UNC93B1: variants seen among roughly 807,000 people sequenced by gnomAD.
The protein encoded by UNC93B1 is unc-93B1 regulator of TLR signaling.
A neutral mutation model predicts 56.8 loss-of-function variants in UNC93B1; 33 were observed. The observed-to-expected ratio is 0.58, with a 90% CI of 0.44 to 0.78. The LOEUF (loss-of-function observed/expected upper bound fraction) is 0.78, where lower values mean the gene tolerates loss of function less well. Among genes scored for constraint, UNC93B1 ranks in the 30% least tolerant of loss-of-function variants. UNC93B1 has a pLI of 0.00. For missense variants in UNC93B1, 673 were observed against 819.5 expected, an observed-to-expected ratio of 0.82 and a Z score of 2.18; for synonymous variants, 334 against 358.6, an observed-to-expected ratio of 0.93 and a Z score of 0.77.
At chr11:67,996,077 G>A (rs547768789) in intron 8 of UNC93B1, 193 bp from the exon 9 acceptor site, 3 of 385,336 alleles carry the variant, frequency 7.8e-6, no homozygotes, top group African/African-American at 4.2e-5. Flanking sequence ...CCTAAGAGTC[G>A]GGGGGAAAAG....
At chr11:67,996,436 A>AG (rs971967984) in intron 8 of UNC93B1, among the ~76,000 whole-genome samples, 166 bp downstream of exon 8, 1 of 152,128 alleles carries the variant, frequency 6.6e-6, no homozygotes, top group South Asian at 2.1e-4. Context: ...CCCAAGGTAA[A>AG]GGGGGGACGG....
Position 67,993,713 on chromosome 11 carries a change from A to G in UNC93B1, c.1445T>C (p.Ile482Thr). Reference protein sequence around the residue: ...TIYHWWQAVAIFTVYLGSSLH... With the variant: ...TIYHWWQAVATFTVYLGSSLH... ...GCTCGAGCCCAGGTACACGGTGAAGATGGCCACAGCCTGCCACCAGTGGTA... is the reference window on the plus strand; with the variant it reads ...GCTCGAGCCCAGGTACACGGTGAAGGTGGCCACAGCCTGCCACCAGTGGTA... Residue 482 changes from isoleucine to threonine, a missense_variant, in exon 10 of 11, where the codon ATC (isoleucine) becomes ACC (threonine). Ile to Thr is a moderately conservative substitution (Grantham distance 89). Transcript: ENST00000227471. The G allele has an allele frequency of 2.3e-6, 3 of 1,282,906 alleles. No homozygotes were observed. Among genetic ancestry groups the G allele is most frequent in the Non-Finnish European group, 3.3e-6 (3 of 915,698 alleles). The allele number at this position is 1,282,906 out of a possible 1,614,324, so 79.5% of individuals were successfully genotyped here.
chr11:67,997,526 A>C, intron 7 of UNC93B1, 149 bp downstream of exon 7: 1 of 1,368,934 alleles, frequency 7.3e-7, no homozygotes, highest in Non-Finnish European at 9.8e-7. Context: ...TAGCTCCCCA[A>C]CTCAGATCGC....
chr11:67,997,585 T>C lies in UNC93B1; in HGVS notation c.906+90A>G, dbSNP rs308328. On this transcript the variant is annotated intron_variant, in intron 7 of 10. Coordinates refer to ENST00000227471, the MANE Select transcript of UNC93B1 (RefSeq NM_030930.4). ...CGAGGCCACAACCCGACCCAGGCCA[T>C]GCCATCCGATCCAGACCCTTTCTCG... 0.44 allele frequency: 694,373 copies of C among 1,573,126 alleles called. 161,817 individuals carry two copies. Among genetic ancestry groups the C allele is most frequent in the African/African-American group, 0.86 (63,964 of 74,500 alleles).
At chr11:67,998,535 G>A in intron 5 of UNC93B1, 83 bp from the exon 6 acceptor site, 4 of 1,417,210 alleles carry the variant, frequency 2.8e-6, no homozygotes, top group Non-Finnish European at 3.0e-6. Context: ...AGGGGTCCAG[G>A]CACAGCCTTG....
At position 67,999,684 on chromosome 11, in the gene UNC93B1, C is replaced by T. The variant is rs775653744; in HGVS notation, c.393-4G>A. On this transcript the variant is annotated splice_region_variant and splice_polypyrimidine_tract_variant and intron_variant, in intron 3 of 10. Transcript: ENST00000227471. The stretch of plus-strand genomic sequence containing the variant: ...CATCCACTTCGTTCCAAAAAACCTG[C>T]GGACAGTGGGAGAGATGCTGGCACC... The T allele has an allele frequency of 8.7e-6, 14 of 1,609,696 alleles. No individual in the cohort carries two copies. The Admixed American group carries it at 1.5e-4, about 17-fold the overall frequency.
intron 3 of UNC93B1, 70 bp from the exon 4 acceptor site, chr11:67,999,750 C>T: frequency 6.4e-7 from 1 of 1,551,936 alleles, no homozygotes; most frequent in Non-Finnish European, 8.7e-7. Context: ...CCAAACGGGG[C>T]CACAACCGCA....
chr11:67,995,579 C>T (rs1438162917), intron 9 of UNC93B1, 32 bp downstream of exon 9: 3 of 122,118 alleles, frequency 2.5e-5, no homozygotes, highest in Non-Finnish European at 1.8e-5. Flanking sequence ...CTGCCCCGCC[C>T]CCCCCCCCCC....
At chr11:67,993,513 G>T (rs1368522228) in intron 10 of UNC93B1, among the ~76,000 whole-genome samples, 163 bp downstream of exon 10, 1 of 152,256 alleles carries the variant, frequency 6.6e-6, no homozygotes, top group African/African-American at 2.4e-5. Context: ...GGGCCAGTAA[G>T]TGGGGTGCTG....
At position 67,995,633 on chromosome 11, in the gene UNC93B1, G is replaced by A. The variant is rs1250680725; in HGVS notation, c.1341C>T (p.Ala447=). 6.6e-7 allele frequency: 1 copy of A among 1,512,868 alleles called. No homozygotes were observed. Among genetic ancestry groups the A allele is most frequent in the African/African-American group, 1.5e-5 (1 of 68,510 alleles). The allele number at this position is 1,512,868 out of a possible 1,614,324, so 93.7% of individuals were successfully genotyped here. ...VAAALWGVGS[A]LNKTGLSTLL... is the part of the protein sequence containing the mutation. ...CACTGCTGAGTCCAGTCTTGTTCAG[G>A]GCACTGCCCACACCCCAAAGGGCAG... The change falls in exon 9 of 11, where the codon GCC becomes GCT. Residue 447 remains alanine, a synonymous_variant. Coordinates refer to ENST00000227471, the MANE Select transcript of UNC93B1 (RefSeq NM_030930.4).
chr11:67,997,058 T>G (rs568224747), intron 7 of UNC93B1, among the ~76,000 whole-genome samples: 1 of 151,408 alleles, frequency 6.6e-6, no homozygotes, highest in South Asian at 2.1e-4. Context: ...CTCTCTCACA[T>G]ACACACACTT....
At chr11:67,999,452 A>G in intron 4 of UNC93B1, 67 bp downstream of exon 4, 1 of 1,545,478 alleles carries the variant, frequency 6.5e-7, no homozygotes, top group Non-Finnish European at 8.7e-7. Flanking sequence ...CCCCCAGCCA[A>G]AGTTGGCAAT....
chr11:67,999,955 C>T (rs1857019513), intron 3 of UNC93B1, among the ~76,000 whole-genome samples: 1 of 152,346 alleles, frequency 6.6e-6, no homozygotes, highest in South Asian at 2.1e-4. Context: ...ATGGGTGTAA[C>T]CAGCCCTCAT....
chr11:68,000,622 G>A (rs1171685804), intron 3 of UNC93B1, among the ~76,000 whole-genome samples: 4 of 152,032 alleles, frequency 2.6e-5, no homozygotes, highest in African/African-American at 7.2e-5. Flanking sequence ...CTGAGATCGC[G>A]TCACCGCACT....
chr11:67,997,079 A>T (rs1432126751), intron 7 of UNC93B1, among the ~76,000 whole-genome samples: 1 of 151,680 alleles, frequency 6.6e-6, no homozygotes. Flanking sequence ...CACAACTCAC[A>T]TTCAGACAAA....
At position 68,003,366 on chromosome 11, in the gene UNC93B1, A is replaced by G. The variant is rs529827407; in HGVS notation, c.239-191T>C. On this transcript the variant is annotated intron_variant, in intron 2 of 10. Coordinates refer to ENST00000227471, the MANE Select transcript of UNC93B1 (RefSeq NM_030930.4). The surrounding 1 kb of genome is among the most constrained non-coding windows in gnomAD (Gnocchi z 4.4). ...CAGCCCGCGGCCACTTGGCCAGCTA[A>G]GCCCAGACCCCCACCCGCCTTGCTC... The G allele has an allele frequency of 2.2e-4, 191 of 871,284 alleles. 1 individual carries two copies. In the African/African-American group the frequency reaches 3.0e-3, roughly 14 times the overall value. The allele number at this position is 871,284 out of a possible 1,614,324, so 54.0% of individuals were successfully genotyped here.
intron 9 of UNC93B1, among the ~76,000 whole-genome samples, chr11:67,994,702 T>A (rs1450555855): frequency 1.3e-5 from 2 of 152,174 alleles, no homozygotes; most frequent in African/African-American, 2.4e-5. Flanking sequence ...GCCAAGAGAC[T>A]GTGGTGCAGT....
chr11:67,999,173 A>C lies in UNC93B1; in HGVS notation c.687T>G (p.His229Gln), dbSNP rs1425873717. The change falls in exon 5 of 11, where the codon CAT becomes CAG. Residue 229 changes from histidine to glutamine, a missense_variant and splice_region_variant. Transcript: ENST00000227471. Reference protein sequence around the residue: ...VFQAIFYSFFHLSFACAQLPM... With the variant: ...VFQAIFYSFFQLSFACAQLPM... ...CAACAATGGCCCACGTGGCACTCAC[A>C]TGGAAGAAGCTGTAGAAGATGGCTT... is the stretch of plus-strand genomic sequence containing the variant. 9 of 1,613,910 alleles carry C rather than the reference A, an allele frequency of 5.6e-6. No individual in the cohort carries two copies. Among genetic ancestry groups the C allele is most frequent in the Non-Finnish European group, 7.6e-6 (9 of 1,179,884 alleles).
In UNC93B1 at chr11:68,003,198, C is replaced by T. The variant is rs748346524; in HGVS notation, c.239-23G>A. The T allele has an allele frequency of 3.7e-6, 6 of 1,600,514 alleles. No homozygotes were observed. The Admixed American group carries it at 8.4e-5, about 22-fold the overall frequency. On this transcript the variant is annotated intron_variant, in intron 2 of 10. Transcript: ENST00000227471. This position sits in a 1 kb window ranked among gnomAD's most constrained non-coding sequence, Gnocchi z 4.4. ...GGCCTGGGGACAGGACAGAGAGCGGCGTGCAGGGAGCAGCCTAGCTTTGGG... is the reference window on the plus strand; with the variant it reads ...GGCCTGGGGACAGGACAGAGAGCGGTGTGCAGGGAGCAGCCTAGCTTTGGG...
Sources: allele counts gnomAD v4.1 joint callset (sites outside exome capture counted in the v4.1 genomes callset), GRCh38; gene constraint gnomAD v4.1.1; non-coding constraint Gnocchi (gnomAD v3.1); transcripts MANE v1.5; gene names NCBI Gene and HGNC (gene_info 2026-07-23, HGNC 2026-07-21).